The following CMSS1 variants were observed in gnomAD, a reference collection of about 807,000 sequenced individuals.
CMSS1 encodes the protein cms1 ribosomal small subunit homolog, also known as protein CMSS1.
In CMSS1, 33 loss-of-function variants were observed where a neutral mutation model predicts 43.5. That is an observed-to-expected ratio of 0.76 (90% CI 0.57 to 1.01). The LOEUF (loss-of-function observed/expected upper bound fraction) is 1.01. Among genes scored for constraint, CMSS1 ranks in the 50% least tolerant of loss-of-function variants. The probability of loss-of-function intolerance (pLI) is 0.00; values close to 1 mark genes in which losing one functional copy is unlikely to be tolerated. For missense variants in CMSS1, 313 were observed against 326.4 expected, an observed-to-expected ratio of 0.96 and a Z score of 0.32; for synonymous variants, 115 against 117.2, an observed-to-expected ratio of 0.98 and a Z score of 0.12.
intron 1 of CMSS1, among the ~76,000 whole-genome samples, chr3:100,131,512 T>C (rs1330808063): frequency 6.6e-6 from 1 of 152,138 alleles, no homozygotes; most frequent in Non-Finnish European, 1.5e-5. Context: ...AACCAGGGCA[T>C]TGTGGAAGGA....
At chr3:99,830,089 A>G (rs1423896684) in intron 1 of CMSS1, 1 of 154,036 alleles carries the variant, frequency 6.5e-6, no homozygotes, top group Non-Finnish European at 1.5e-5. Context: ...TGTTTTCACC[A>G]GAAAACTCTT....
intron 1 of CMSS1, among the ~76,000 whole-genome samples, chr3:100,071,115 TG>T (rs1255882670): frequency 1.2e-5 from 1 of 86,314 alleles, no homozygotes; most frequent in African/African-American, 4.8e-5. Context: ...TTTTTTTGGA[TG>T]GATTAGCATT....
At chr3:99,901,629 T>C (rs1459393977) in intron 1 of CMSS1, among the ~76,000 whole-genome samples, 2 of 152,230 alleles carry the variant, frequency 1.3e-5, no homozygotes, top group Admixed American at 1.3e-4. Context: ...ATCAGCGATG[T>C]GTATTCTAAA....
intron 1 of CMSS1, among the ~76,000 whole-genome samples, chr3:99,953,663 A>AAT (rs1244172659): frequency 6.6e-6 from 1 of 152,164 alleles, no homozygotes; most frequent in Non-Finnish European, 1.5e-5. Flanking sequence ...AGATGCTATA[A>AAT]ATATATTTGA....
chr3:100,083,385 C>T (rs1337054135), intron 1 of CMSS1, among the ~76,000 whole-genome samples: 1 of 152,226 alleles, frequency 6.6e-6, no homozygotes, highest in Non-Finnish European at 1.5e-5. Flanking sequence ...ACTTGCAAGA[C>T]ATGAAACTTC....
At chr3:99,833,719 C>T (rs1170849315) in intron 1 of CMSS1, among the ~76,000 whole-genome samples, 1 of 152,216 alleles carries the variant, frequency 6.6e-6, no homozygotes, top group Non-Finnish European at 1.5e-5. Context: ...CTGCATCACA[C>T]CTTAGCTCTA....
intron 1 of CMSS1, among the ~76,000 whole-genome samples, chr3:99,957,317 T>G (rs1708347852): frequency 6.6e-6 from 1 of 152,196 alleles, no homozygotes; most frequent in Non-Finnish European, 1.5e-5. Context: ...CCACATATTC[T>G]AAGCATTAAC....
At chr3:100,117,864 T>C (rs1213310234) in intron 1 of CMSS1, among the ~76,000 whole-genome samples, 2 of 139,388 alleles carry the variant, frequency 1.4e-5, no homozygotes, top group Non-Finnish European at 3.1e-5. Context: ...CATATATATA[T>C]ATATATATAT....
chr3:100,173,948 G>T (rs1271791525), intron 8 of CMSS1, among the ~76,000 whole-genome samples: 1 of 152,114 alleles, frequency 6.6e-6, no homozygotes, highest in Non-Finnish European at 1.5e-5. Context: ...GCTACTTAGA[G>T]GTTTGTTATA....
At chr3:99,928,268 T>C (rs1707360429) in intron 1 of CMSS1, among the ~76,000 whole-genome samples, 1 of 152,188 alleles carries the variant, frequency 6.6e-6, no homozygotes, top group South Asian at 2.1e-4. Flanking sequence ...TAGTACTTCC[T>C]AGACCGAGGA....
rs1047204400 is a variant in CMSS1 at position 99,998,805 on chromosome 3, G to A, written c.65-148168G>A. ...AGGATGGTCTCGATCTCCTGACCTC[G>A]TGATCCGCCCGCCTTAGCCTCCCAA... On this transcript the variant is annotated intron_variant, in intron 1 of 9. Transcript: ENST00000421999. Among the ~76,000 whole-genome samples the A allele has an allele frequency of 4.7e-4, 71 of 152,268 alleles. 1 individual carries two copies. Among genetic ancestry groups the A allele is most frequent in the African/African-American group, 1.6e-3 (67 of 41,562 alleles).
chr3:99,849,537 C>G (rs1391311698), intron 1 of CMSS1: 1 of 1,613,140 alleles, frequency 6.2e-7, no homozygotes, highest in Non-Finnish European at 8.5e-7. Flanking sequence ...TTGAGAGGTG[C>G]CCTGACTTAG....
intron 1 of CMSS1, among the ~76,000 whole-genome samples, chr3:99,978,608 G>A (rs150500793): frequency 0.011 from 1,728 of 152,300 alleles, 18 homozygotes; most frequent in African/African-American, 0.025. Context: ...GAAGTAGGGA[G>A]TAGAGGCTGG....
At chr3:99,959,360 G>A (rs2107700495) in intron 1 of CMSS1, among the ~76,000 whole-genome samples, 1 of 152,318 alleles carries the variant, frequency 6.6e-6, no homozygotes, top group Middle Eastern at 3.4e-3. Flanking sequence ...ATGCTGGCCA[G>A]GCTGGTCTCG....
chr3:100,028,002 T>G (rs2064958514), intron 1 of CMSS1, among the ~76,000 whole-genome samples: 1 of 152,142 alleles, frequency 6.6e-6, no homozygotes, highest in Admixed American at 6.6e-5. Flanking sequence ...TTAAAGAATT[T>G]CTAAGTACTG....
At chr3:99,980,406 G>C (rs979543306) in intron 1 of CMSS1, among the ~76,000 whole-genome samples, 1 of 152,130 alleles carries the variant, frequency 6.6e-6, no homozygotes, top group African/African-American at 2.4e-5. Flanking sequence ...TAGTACATCA[G>C]ATATGTTAGG....
intron 1 of CMSS1, among the ~76,000 whole-genome samples, chr3:100,027,502 A>G (rs1181905766): frequency 1.3e-5 from 2 of 152,146 alleles, no homozygotes; most frequent in Non-Finnish European, 2.9e-5. Flanking sequence ...AACAGACTTT[A>G]TGAATGCATC....
At chr3:99,927,645 A>G (rs1707337485) in intron 1 of CMSS1, among the ~76,000 whole-genome samples, 4 of 152,242 alleles carry the variant, frequency 2.6e-5, no homozygotes, top group Admixed American at 2.0e-4. Flanking sequence ...CTGGGATTAC[A>G]GGCATGAGCC....
intron 1 of CMSS1, among the ~76,000 whole-genome samples, chr3:99,933,232 T>G (rs1707544259): frequency 6.6e-6 from 1 of 152,164 alleles, no homozygotes; most frequent in Non-Finnish European, 1.5e-5. Context: ...TACAAATACC[T>G]TGTCCGAAAA....
Sources: gnomAD v4.1 joint callset for allele counts (sites outside exome capture counted in the v4.1 genomes callset) on GRCh38, gnomAD v4.1.1 for gene constraint, MANE v1.5 for transcripts, NCBI Gene and HGNC (gene_info 2026-07-23, HGNC 2026-07-21) for gene names.